The following BTD variants were observed in gnomAD, a reference collection of about 807,000 sequenced individuals.
BTD encodes biotinidase.
Under a neutral mutation model 17.7 loss-of-function variants are expected in BTD, and 13 were observed. That is an observed-to-expected ratio of 0.74 (90% CI 0.48 to 1.17). The LOEUF (loss-of-function observed/expected upper bound fraction) is 1.17. Ranked by LOEUF, BTD falls within the 50% of genes most tolerant of loss-of-function variation. The probability of loss-of-function intolerance (pLI) is 0.00; values close to 1 mark genes in which losing one functional copy is unlikely to be tolerated. For synonymous variants in BTD, 240 were observed against 245.2 expected, an observed-to-expected ratio of 0.98 and a Z score of 0.20; for missense variants, 674 against 650.4, an observed-to-expected ratio of 1.04 and a Z score of -0.39.
chr3:15,697,950 T>C (rs1386577922), intron 3 of BTD, among the ~76,000 whole-genome samples: 2 of 152,224 alleles, frequency 1.3e-5, no homozygotes, highest in Non-Finnish European at 2.9e-5. Flanking sequence ...TTCTTCCTGG[T>C]TTAGTCTTGG....
At chr3:15,716,264 G>T (rs1261478789), downstream of BTD, among the ~76,000 whole-genome samples, 2 of 150,070 alleles carry the variant, frequency 1.3e-5, no homozygotes, top group Non-Finnish European at 3.0e-5. Flanking sequence ...TTACAGGCAT[G>T]AGCCACCGCA....
chr3:15,643,814 T>C (rs554919636), intron 3 of BTD, among the ~76,000 whole-genome samples: 24 of 147,796 alleles, frequency 1.6e-4, no homozygotes, highest in Admixed American at 8.1e-4. Flanking sequence ...CCCAGCTTCT[T>C]AGGAGGCTGA....
chr3:15,642,078 C>A, intron 3 of BTD, 21 bp downstream of exon 3: 1 of 1,613,624 alleles, frequency 6.2e-7, no homozygotes, highest in Non-Finnish European at 8.5e-7. Flanking sequence ...CCTTTTTCCT[C>A]AGTAGGCTGA....
intron 3 of BTD, chr3:15,685,123 A>G (rs1200020496): frequency 2.0e-5 from 24 of 1,199,794 alleles, no homozygotes; most frequent in Non-Finnish European, 2.7e-5. Context: ...GATTATTCCC[A>G]AGGTTTTTGC....
chr3:15,712,800 G>A (rs2072489505), downstream of BTD, among the ~76,000 whole-genome samples: 1 of 152,186 alleles, frequency 6.6e-6, no homozygotes, highest in Non-Finnish European at 1.5e-5. Flanking sequence ...TTGTACAGAT[G>A]TGAAAGAAGG....
intron 4 of BTD, among the ~76,000 whole-genome samples, chr3:15,719,917 C>A (rs372794646): frequency 1.2e-4 from 19 of 152,204 alleles, no homozygotes; most frequent in African/African-American, 4.6e-4. Context: ...GTCACCCAGG[C>A]TGGAGGGCAG....
At chr3:15,679,253 A>G (rs1039811647) in intron 3 of BTD, 13 of 1,550,154 alleles carry the variant, frequency 8.4e-6, no homozygotes, top group Non-Finnish European at 1.2e-5. Flanking sequence ...TATAGGCATG[A>G]GCCACTGTGC....
downstream of BTD, among the ~76,000 whole-genome samples, chr3:15,656,044 C>T (rs1485133087): frequency 1.3e-5 from 2 of 152,158 alleles, no homozygotes; most frequent in South Asian, 2.1e-4. Context: ...CTCAAGTGAT[C>T]CACCCACCTC....
intron 3 of BTD, among the ~76,000 whole-genome samples, chr3:15,662,766 C>G (rs1400990618): frequency 6.6e-6 from 1 of 151,656 alleles, no homozygotes; most frequent in Non-Finnish European, 1.5e-5. Context: ...GCCTGAGCAG[C>G]TGGAACTATA....
chr3:15,605,788 A>G (rs1254916316), intron 1 of BTD, among the ~76,000 whole-genome samples: 1 of 152,186 alleles, frequency 6.6e-6, no homozygotes, highest in Non-Finnish European at 1.5e-5. Flanking sequence ...TCATGCCTGT[A>G]ATCCCAGCAC....
chr3:15,665,693 G>A (rs9881456), intron 3 of BTD, among the ~76,000 whole-genome samples: 1 of 152,154 alleles, frequency 6.6e-6, no homozygotes, highest in Non-Finnish European at 1.5e-5. Context: ...CCCATCCCAC[G>A]GAGGTAGGGC....
intron 3 of BTD, chr3:15,695,170 G>A: frequency 1.3e-6 from 2 of 1,584,796 alleles, no homozygotes; most frequent in Non-Finnish European, 1.7e-6. Context: ...TGGTGGGAGG[G>A]AATTGACTAA....
At chr3:15,618,054 C>G (rs979756632) in intron 1 of BTD, among the ~76,000 whole-genome samples, 1 of 152,202 alleles carries the variant, frequency 6.6e-6, no homozygotes, top group Non-Finnish European at 1.5e-5. Flanking sequence ...CTCCTGGGAT[C>G]AAGTGATCTT....
At chr3:15,613,260 T>G (rs977310208) in intron 1 of BTD, among the ~76,000 whole-genome samples, 3 of 152,230 alleles carry the variant, frequency 2.0e-5, no homozygotes, top group African/African-American at 7.2e-5. Context: ...ATTTTCCAAT[T>G]ATGCATATGA....
intron 4 of BTD, chr3:15,721,117 G>C: frequency 1.9e-6 from 3 of 1,609,248 alleles, no homozygotes; most frequent in Non-Finnish European, 2.5e-6. Flanking sequence ...ATAGGCATTT[G>C]GTTCATTCAT....
chr3:15,608,764 C>CAA (rs895108669), intron 1 of BTD, among the ~76,000 whole-genome samples: 2 of 66,934 alleles, frequency 3.0e-5, no homozygotes, highest in African/African-American at 5.7e-5. Context: ...GACTCCGTCT[C>CAA]AAAAAAAAAA....
downstream of BTD, among the ~76,000 whole-genome samples, chr3:15,717,543 T>A (rs2470516): frequency 6.7e-6 from 1 of 150,374 alleles, no homozygotes. Context: ...AAAAGAAAAA[T>A]AACAAAAACC....
Position 15,674,975 on chromosome 3 carries a change from A to G in BTD, c.399+32918A>G, listed in dbSNP as rs552798443. ...CCTGACTATACGGAAATTAAGAGAG[A>G]ATGGAAGAATGAGGCTGGACGCTGT... On this transcript the variant is annotated intron_variant, in intron 3 of 3. Coordinates refer to the BTD transcript ENST00000672141. 9.9e-5 allele frequency among the ~76,000 whole-genome samples: 15 copies of G among 152,130 alleles called. No individual in the cohort carries two copies. In the South Asian group the frequency reaches 1.2e-3, roughly 13 times the overall value.
intron 3 of BTD, among the ~76,000 whole-genome samples, chr3:15,690,895 A>G (rs574862863): frequency 6.6e-6 from 1 of 152,328 alleles, no homozygotes; most frequent in East Asian, 1.9e-4. Context: ...ATCACAGTTC[A>G]GTGCTCCACA....
Sources: allele counts gnomAD v4.1 joint callset (sites outside exome capture counted in the v4.1 genomes callset), GRCh38; gene constraint gnomAD v4.1.1; transcripts MANE v1.5; gene names NCBI Gene and HGNC (gene_info 2026-07-23, HGNC 2026-07-21).